Variants in PCDHGB7 observed in about 807,000 individuals in gnomAD.
The protein encoded by PCDHGB7 is protocadherin gamma-B7.
PCDHGB7 carries 37 observed loss-of-function variants against 61.4 expected under a neutral mutation model. The ratio of observed to expected loss-of-function variants is 0.60; its 90% confidence interval spans 0.46 to 0.79. The LOEUF (loss-of-function observed/expected upper bound fraction) is 0.79. PCDHGB7 is among the 30% of genes least tolerant of loss of function. The pLI is 0.00. For missense variants in PCDHGB7, 1,166 were observed against 1,202.5 expected (o/e 0.97, Z 0.45); for synonymous variants, 464 against 503.5 (o/e 0.92, Z 1.05).
At position 141,423,722 on chromosome 5, in the gene PCDHGB7, G is replaced by A. The variant is rs541297269; in HGVS notation, c.2415+3448G>A. Reference sequence around the variant, plus strand: ...CTTGGCACAAGTCTTTTAAGGAGATGTTTTTTGAGCCTGTTATGAAAACTG... The same window carrying A: ...CTTGGCACAAGTCTTTTAAGGAGATATTTTTTGAGCCTGTTATGAAAACTG... On this transcript the variant is annotated intron_variant, in intron 1 of 3. Coordinates refer to ENST00000398594, the MANE Select transcript of PCDHGB7 (RefSeq NM_018927.4). 5 of 954,184 alleles carry A rather than the reference G, an allele frequency of 5.2e-6. No individual in the cohort carries two copies. In the African/African-American group the frequency reaches 6.3e-5, roughly 12 times the overall value. The allele number at this position is 954,184 out of a possible 1,614,324, so 59.1% of individuals were successfully genotyped here.
In PCDHGB7 at chr5:141,430,200, T is replaced by G. The variant is rs182960813; in HGVS notation, c.2415+9926T>G. Among the ~76,000 whole-genome samples the G allele has an allele frequency of 8.2e-4, 124 of 152,052 alleles. 2 individuals are homozygous for G. Among genetic ancestry groups the G allele is most frequent in the African/African-American group, 2.9e-3 (119 of 41,468 alleles). ...CCCAAATTATAGCTGAATCAGAAAG[T>G]TTAAATTATTATATTATATGATTTG... On this transcript the variant is annotated intron_variant, in intron 1 of 3. Transcript: ENST00000398594.
intron 1 of PCDHGB7, among the ~76,000 whole-genome samples, chr5:141,454,268 G>A (rs2098785692): frequency 6.6e-6 from 1 of 152,126 alleles, no homozygotes; most frequent in African/African-American, 2.4e-5. Context: ...AGTAATGCCA[G>A]CAAAAACTTC....
At position 141,423,614 on chromosome 5, in the gene PCDHGB7, A is replaced by C. The variant is rs1365658002; in HGVS notation, c.2415+3340A>C. 8 of 1,610,406 alleles carry C rather than the reference A, an allele frequency of 5.0e-6. No homozygotes were observed. The highest frequency in any genetic ancestry group is 6.8e-6 in the Non-Finnish European group (8 of 1,178,132). ...AAAAGCGAGCCACTCTTGATAGCTG[A>C]AGACTCAGCTATCATTTTAGGCAAA... On this transcript the variant is annotated intron_variant, in intron 1 of 3. Transcript: ENST00000398594.
At chr5:141,428,095 A>G (rs1361784967) in intron 1 of PCDHGB7, 1 of 1,608,848 alleles carries the variant, frequency 6.2e-7, no homozygotes, top group East Asian at 2.2e-5. Flanking sequence ...TGGCTGTCCT[A>G]CCACGTGCTG....
chr5:141,422,549 TGAA>T (rs1554114956), intron 1 of PCDHGB7: 8 of 1,614,026 alleles, frequency 5.0e-6, no homozygotes, highest in Non-Finnish European at 6.8e-6. Flanking sequence ...CATGTCTGGC[TGAA>T]TGTGGCAGAT....
chr5:141,487,771 T>C lies in PCDHGB7; in HGVS notation c.2416-7036T>C. The C allele has an allele frequency of 1.3e-6, 2 of 1,537,446 alleles. No homozygotes were observed. Among genetic ancestry groups the C allele is most frequent in the South Asian group, 2.4e-5 (2 of 82,456 alleles). ...ACTATGTGGTAGACGCTGTGCTTTGTAACTGTTTCGTGAATTAACCAGAGT... is the reference window on the plus strand; with the variant it reads ...ACTATGTGGTAGACGCTGTGCTTTGCAACTGTTTCGTGAATTAACCAGAGT... On this transcript the variant is annotated intron_variant, in intron 1 of 3. Coordinates refer to ENST00000398594, the MANE Select transcript of PCDHGB7 (RefSeq NM_018927.4). This position sits in a 1 kb window ranked among gnomAD's most constrained non-coding sequence, Gnocchi z 5.0.
Position 141,431,228 on chromosome 5 carries a change from GC to G in PCDHGB7, c.2415+10956del. The G allele has an allele frequency of 6.2e-7, 1 of 1,614,118 alleles. No homozygotes were observed. Among genetic ancestry groups the G allele is most frequent in the Non-Finnish European group, 8.5e-7 (1 of 1,180,030 alleles). On this transcript the variant is annotated intron_variant, in intron 1 of 3. Transcript: ENST00000398594. This position sits in a 1 kb window ranked among gnomAD's most constrained non-coding sequence, Gnocchi z 4.8. ...TGAGATGCGGTTCCCTCTACCCCAC[GC>G]CTGGGATCCGGATATCGGGAAGAAC...
At chr5:141,457,167 C>T (rs1465212183) in intron 1 of PCDHGB7, among the ~76,000 whole-genome samples, 1 of 152,114 alleles carries the variant, frequency 6.6e-6, no homozygotes, top group East Asian at 1.9e-4. Context: ...CATGGATAAC[C>T]CTATTGCAAA....
At chr5:141,447,535 G>C (rs1366016262) in intron 1 of PCDHGB7, among the ~76,000 whole-genome samples, 1 of 152,162 alleles carries the variant, frequency 6.6e-6, no homozygotes, top group African/African-American at 2.4e-5. Flanking sequence ...AAATTGTTGG[G>C]TTTTAATGTT....
chr5:141,422,987 A>AG, intron 1 of PCDHGB7: 1 of 1,614,168 alleles, frequency 6.2e-7, no homozygotes. Context: ...GAACCTGGCT[A>AG]CCTGGTGACC....
chr5:141,495,412 G>A lies in PCDHGB7; in HGVS notation c.2474+547G>A, dbSNP rs188302135. 2.2e-4 allele frequency among the ~76,000 whole-genome samples: 33 copies of A among 152,284 alleles called. No homozygotes were observed. The East Asian group carries it at 6.4e-3, about 29-fold the overall frequency. ...GGCATGGAGCAGGCCCCCTTCTCCG[G>A]CCCCTCCTCCCACTGTCCTCTGCCC... On this transcript the variant is annotated intron_variant, in intron 2 of 3. Coordinates refer to ENST00000398594, the MANE Select transcript of PCDHGB7 (RefSeq NM_018927.4).
chr5:141,504,461 C>T (rs1485490028), intron 2 of PCDHGB7, among the ~76,000 whole-genome samples: 1 of 151,900 alleles, frequency 6.6e-6, no homozygotes, highest in Non-Finnish European at 1.5e-5. Flanking sequence ...GTGGGGCAGC[C>T]GCTGGGATGG....
At chr5:141,427,333 T>C (rs1157500463) in intron 1 of PCDHGB7, 1 of 457,322 alleles carries the variant, frequency 2.2e-6, no homozygotes, top group Non-Finnish European at 4.4e-6. Context: ...TTTACTTCAG[T>C]GTCCAGTTCT....
intron 1 of PCDHGB7, chr5:141,427,871 GA>G: frequency 6.4e-7 from 1 of 1,559,532 alleles, no homozygotes; most frequent in Non-Finnish European, 8.8e-7. Context: ...TCGAGCTCAC[GA>G]TGCAGGCCCA....
At chr5:141,509,335 G>T (rs113423267) in intron 3 of PCDHGB7, among the ~76,000 whole-genome samples, 106 of 152,262 alleles carry the variant, frequency 7.0e-4, no homozygotes, top group African/African-American at 2.4e-3. Context: ...CTGCCAGCTG[G>T]GCCTGGGCTG....
At chr5:141,464,931 G>T (rs2099093694) in intron 1 of PCDHGB7, among the ~76,000 whole-genome samples, 1 of 151,942 alleles carries the variant, frequency 6.6e-6, no homozygotes, top group Non-Finnish European at 1.5e-5. Context: ...GTAGAGATGT[G>T]AGGTCTCACT....
intron 1 of PCDHGB7, chr5:141,424,504 GT>G (rs892941709): frequency 6.6e-6 from 1 of 152,016 alleles, no homozygotes; most frequent in Non-Finnish European, 1.5e-5. Context: ...TGTATGGAAG[GT>G]TTTTTAATGT....
chr5:141,503,214 T>C (rs994291483), intron 2 of PCDHGB7, among the ~76,000 whole-genome samples: 7 of 152,096 alleles, frequency 4.6e-5, no homozygotes, highest in African/African-American at 1.7e-4. Flanking sequence ...GTGCCCACCA[T>C]GAGCACCGTA....
At position 141,511,424 on chromosome 5, in the gene PCDHGB7, G is replaced by A. The variant is rs939906846; in HGVS notation, c.*251G>A. 10 of 810,392 alleles carry A rather than the reference G, an allele frequency of 1.2e-5. No homozygotes were observed. Among genetic ancestry groups the A allele is most frequent in the East Asian group, 3.0e-5 (1 of 33,800 alleles). The allele number at this position is 810,392 out of a possible 1,614,324, so 50.2% of individuals were successfully genotyped here. On this transcript the variant is annotated 3_prime_UTR_variant, in exon 4 of 4. Transcript: ENST00000398594. The stretch of plus-strand genomic sequence containing the variant: ...ATCAACTGCTGTACCCATGGGGGTA[G>A]TGGGGTTACTGTAGACACCAAGAAC...
Sources: allele counts gnomAD v4.1 joint callset (sites outside exome capture counted in the v4.1 genomes callset), GRCh38; gene constraint gnomAD v4.1.1; non-coding constraint Gnocchi (gnomAD v3.1); transcripts MANE v1.5; gene names NCBI Gene and HGNC (gene_info 2026-07-23, HGNC 2026-07-21).